Variants in NRXN1 observed in about 807,000 individuals in gnomAD.
NRXN1 encodes neurexin-1.
A neutral mutation model predicts 150.9 loss-of-function variants in NRXN1; 39 were observed. The observed-to-expected ratio is 0.26, with a 90% CI of 0.20 to 0.34. The LOEUF (loss-of-function observed/expected upper bound fraction) is 0.34, where lower values mean the gene tolerates loss of function less well. Ranked by LOEUF, NRXN1 falls within the 10% of genes least tolerant of loss-of-function variation. The pLI, the probability that NRXN1 is intolerant of heterozygous loss-of-function variation, is 1.00. For synonymous variants in NRXN1, 924 were observed against 757.0 expected, an observed-to-expected ratio of 1.22 and a Z score of -3.62; for missense variants, 1,815 against 1,949.9, an observed-to-expected ratio of 0.93 and a Z score of 1.30.
At chr2:50,935,255 G>C (rs1226060732) in intron 2 of NRXN1, among the ~76,000 whole-genome samples, 1 of 151,990 alleles carries the variant, frequency 6.6e-6, no homozygotes, top group East Asian at 1.9e-4. Flanking sequence ...AACCAAATGA[G>C]CAAATAAAAT....
chr2:50,991,485 T>C (rs2104990471), intron 2 of NRXN1, among the ~76,000 whole-genome samples: 2 of 152,128 alleles, frequency 1.3e-5, no homozygotes, highest in South Asian at 4.1e-4. Context: ...TACTCAACTA[T>C]GGTCCTACTG....
intron 17 of NRXN1, among the ~76,000 whole-genome samples, chr2:50,381,522 AACACACACAC>A (rs59726557): frequency 0.021 from 2,754 of 128,580 alleles, 73 homozygotes; most frequent in African/African-American, 0.058. Flanking sequence ...CAGGCTTTTA[AACACACACAC>A]ACACACACAC....
chr2:49,951,109 T>C lies in NRXN1; in HGVS notation c.4129-7318A>G, dbSNP rs10185434. The stretch of plus-strand genomic sequence containing the variant: ...TCTTACTCAGTCTAACGTTCATTTT[T>C]ATGTACATTTGATACTGGTTCTCCT... On this transcript the variant is annotated intron_variant, in intron 21 of 22. Transcript: ENST00000401669. 1.7e-3 allele frequency among the ~76,000 whole-genome samples: 260 copies of C among 152,100 alleles called. 1 individual carries two copies. Among genetic ancestry groups the C allele is most frequent in the African/African-American group, 5.9e-3 (244 of 41,552 alleles).
intron 21 of NRXN1, among the ~76,000 whole-genome samples, chr2:49,999,132 G>A (rs1346733769): frequency 1.3e-5 from 2 of 152,138 alleles, no homozygotes; most frequent in Non-Finnish European, 2.9e-5. Flanking sequence ...TGCCTTTGCT[G>A]CTGGTCTTTG....
intron 21 of NRXN1, among the ~76,000 whole-genome samples, chr2:49,977,458 A>T (rs1679181842): frequency 6.6e-6 from 1 of 152,232 alleles, no homozygotes; most frequent in Non-Finnish European, 1.5e-5. Flanking sequence ...TGAGATAGAG[A>T]AACCATGTTC....
intron 5 of NRXN1, among the ~76,000 whole-genome samples, chr2:50,665,541 C>A (rs907907071): frequency 1.3e-5 from 2 of 151,866 alleles, no homozygotes. Context: ...GTTAATCACG[C>A]AAAATGCTCA....
chr2:50,801,312 T>C (rs1350477218), intron 5 of NRXN1, among the ~76,000 whole-genome samples: 1 of 152,202 alleles, frequency 6.6e-6, no homozygotes, highest in East Asian at 1.9e-4. Flanking sequence ...CTATGACAAG[T>C]AGTATTGGGT....
At chr2:50,522,215 G>A (rs1433240891) in intron 12 of NRXN1, among the ~76,000 whole-genome samples, 2 of 152,116 alleles carry the variant, frequency 1.3e-5, no homozygotes, top group African/African-American at 4.8e-5. Context: ...GGGGATATTT[G>A]TATAAAAGAA....
intron 5 of NRXN1, among the ~76,000 whole-genome samples, chr2:50,697,245 A>G (rs904965912): frequency 2.0e-5 from 3 of 152,166 alleles, no homozygotes; most frequent in African/African-American, 7.2e-5. Flanking sequence ...CTTCATTTTG[A>G]ATATACAGGA....
chr2:50,372,033 C>A (rs1274530590), intron 17 of NRXN1, among the ~76,000 whole-genome samples: 2 of 152,112 alleles, frequency 1.3e-5, no homozygotes, highest in African/African-American at 4.8e-5. Flanking sequence ...CCCTTTGCAG[C>A]CATGAGAAAC....
At chr2:50,245,117 A>C (rs1401355580) in intron 17 of NRXN1, among the ~76,000 whole-genome samples, 1 of 151,930 alleles carries the variant, frequency 6.6e-6, no homozygotes, top group Non-Finnish European at 1.5e-5. Context: ...TTTTCCTGGC[A>C]AATGTGTCAT....
chr2:50,995,880 G>T (rs1289982590), intron 2 of NRXN1, among the ~76,000 whole-genome samples: 1 of 151,906 alleles, frequency 6.6e-6, no homozygotes. Flanking sequence ...TGTCTTTCTG[G>T]TGTACTCTCT....
chr2:50,476,533 T>A (rs1573145552), intron 15 of NRXN1, among the ~76,000 whole-genome samples: 1 of 139,156 alleles, frequency 7.2e-6, no homozygotes, highest in East Asian at 2.0e-4. Context: ...AGCATGGACT[T>A]AGCCCGTCAT....
In NRXN1 at chr2:50,891,029, T is replaced by G. The variant is rs1327884745; in HGVS notation, c.832+30840A>C. Among the ~76,000 whole-genome samples, 6 of 151,980 alleles carry G rather than the reference T, an allele frequency of 3.9e-5. 1 individual carries two copies. The highest frequency in any genetic ancestry group is 8.8e-5 in the Non-Finnish European group (6 of 67,946). ...GCACATGTTTATACATGGTCAATAT[T>G]TTACTACTTAGGGGCTTAGATTTTT... On this transcript the variant is annotated intron_variant, in intron 5 of 22. Coordinates refer to ENST00000401669, the MANE Select transcript of NRXN1 (RefSeq NM_001330078.2).
rs144441660 is a variant in NRXN1, at chr2:50,991,098, T to C, written c.772+36404A>G. 5.2e-3 allele frequency among the ~76,000 whole-genome samples: 798 copies of C among 152,200 alleles called. 7 individuals are homozygous for C. Among genetic ancestry groups the C allele is most frequent in the African/African-American group, 0.018 (761 of 41,560 alleles). On this transcript the variant is annotated intron_variant, in intron 2 of 22. Transcript: ENST00000401669. ...GAATACAGTAGTAAATGAGACAGACTTAGCTTTTTCCCTCAAATAAATGGC... is the reference window on the plus strand; with the variant it reads ...GAATACAGTAGTAAATGAGACAGACCTAGCTTTTTCCCTCAAATAAATGGC...
At chr2:49,970,956 T>C (rs1405926093) in intron 21 of NRXN1, among the ~76,000 whole-genome samples, 1 of 152,094 alleles carries the variant, frequency 6.6e-6, no homozygotes, top group East Asian at 1.9e-4. Context: ...TAAGTATGAT[T>C]AAATATTCAT....
intron 5 of NRXN1, among the ~76,000 whole-genome samples, chr2:50,863,214 A>C (rs1468259808): frequency 6.6e-6 from 1 of 152,062 alleles, no homozygotes; most frequent in Non-Finnish European, 1.5e-5. Context: ...AAGAACAATG[A>C]GATAACTTTA....
At chr2:50,670,770 G>T (rs898137012) in intron 5 of NRXN1, among the ~76,000 whole-genome samples, 1 of 151,822 alleles carries the variant, frequency 6.6e-6, no homozygotes, top group South Asian at 2.1e-4. Context: ...ATGTGCTGCT[G>T]TTTAGGTTTG....
chr2:50,676,313 T>C (rs1221170280), intron 5 of NRXN1, among the ~76,000 whole-genome samples: 2 of 152,138 alleles, frequency 1.3e-5, no homozygotes, highest in Non-Finnish European at 2.9e-5. Flanking sequence ...AAACCTCTTT[T>C]ATTTATAAAT....
Sources: gnomAD v4.1 joint callset for allele counts (sites outside exome capture counted in the v4.1 genomes callset) on GRCh38, gnomAD v4.1.1 for gene constraint, MANE v1.5 for transcripts, NCBI Gene and HGNC (gene_info 2026-07-23, HGNC 2026-07-21) for gene names.